The following CCNH variants were observed in gnomAD, a reference collection of about 807,000 sequenced individuals.
The protein encoded by CCNH is cyclin H.
In CCNH, 31 loss-of-function variants were observed where a neutral mutation model predicts 41.9. The observed-to-expected ratio is 0.74, with a 90% CI of 0.56 to 1.00. CCNH has a LOEUF of 1.00. CCNH is among the 50% of genes least tolerant of loss of function. The pLI, the probability that CCNH is intolerant of heterozygous loss-of-function variation, is 0.00. For missense variants in CCNH, 362 were observed against 388.4 expected (o/e 0.93, Z 0.57); for synonymous variants, 138 against 136.1 (o/e 1.01, Z -0.10).
chr5:87,385,525 T>A lies in CCNH; in HGVS notation c.*90+7245A>T, dbSNP rs886934959. On this transcript the variant is annotated intron_variant and NMD_transcript_variant, in intron 9 of 9. Coordinates refer to the CCNH transcript ENST00000645953. Reference sequence around the variant, plus strand: ...AAGATTATTTTTGTTGGTATGTTTGTTTTTAAAGTAGCTTGTTTAAATTTT... The same window carrying A: ...AAGATTATTTTTGTTGGTATGTTTGATTTTAAAGTAGCTTGTTTAAATTTT... 8.5e-6 allele frequency: 6 copies of A among 704,620 alleles called. No homozygotes were observed. In the East Asian group the frequency reaches 1.6e-4, roughly 19 times the overall value. 43.6% of individuals were successfully genotyped at this position (704,620 alleles called of 1,614,324 possible).
chr5:87,398,412 T>A (rs1195873899), intron 7 of CCNH, among the ~76,000 whole-genome samples: 2 of 152,052 alleles, frequency 1.3e-5, no homozygotes, highest in Non-Finnish European at 2.9e-5. Context: ...CACAGATAAC[T>A]CCCATTAAAT....
intron 2 of CCNH, 131 bp downstream of exon 2, chr5:87,411,093 A>T: frequency 1.2e-6 from 1 of 864,872 alleles, no homozygotes; most frequent in Non-Finnish European, 1.7e-6. Context: ...TGAAAAATAT[A>T]TAATGTGCCA....
Position 87,401,332 on chromosome 5 carries a change from A to T in CCNH, c.760+370T>A, listed in dbSNP as rs147250769. On this transcript the variant is annotated intron_variant, in intron 6 of 8. Transcript: ENST00000256897. ...CCTTCTACCTTTCTCTTAAAAAAAT[A>T]ATTTATCTACAAAATAGAAGTTCCA... Among the ~76,000 whole-genome samples, 468 of 152,324 alleles carry T rather than the reference A, an allele frequency of 3.1e-3. 3 individuals carry two copies. The highest frequency in any genetic ancestry group is 0.011 in the African/African-American group (452 of 41,572).
At chr5:87,354,315 C>T (rs1168340239) in intron 9 of CCNH, among the ~76,000 whole-genome samples, 1 of 152,020 alleles carries the variant, frequency 6.6e-6, no homozygotes, top group Non-Finnish European at 1.5e-5. Flanking sequence ...ACGTCTATTG[C>T]GACTGTTTTT....
the CCNH span, among the ~76,000 whole-genome samples, chr5:87,312,081 A>G: frequency 6.6e-6 from 1 of 152,222 alleles, no homozygotes; most frequent in Admixed American, 6.5e-5. Flanking sequence ...GTGAAGCAGT[A>G]TTTTTCAGAT....
chr5:87,399,063 C>T (rs1763189242), intron 7 of CCNH, among the ~76,000 whole-genome samples: 1 of 151,432 alleles, frequency 6.6e-6, no homozygotes, highest in Non-Finnish European at 1.5e-5. Context: ...GACCAGATAT[C>T]ACAACTTCAA....
At chr5:87,404,651 AT>A (rs2112568891) in intron 5 of CCNH, among the ~76,000 whole-genome samples, 192 bp downstream of exon 5, 2 of 152,312 alleles carry the variant, frequency 1.3e-5, no homozygotes, top group Non-Finnish European at 2.9e-5. Context: ...TTCTACTTTA[AT>A]CCTAAATGTA....
chr5:87,341,179 A>G, intron 9 of CCNH: 4 of 555,814 alleles, frequency 7.2e-6, no homozygotes, highest in Non-Finnish European at 1.1e-5. Flanking sequence ...TTATATAAAC[A>G]TAAATAAGGA....
upstream of CCNH, chr5:87,378,391 T>C (rs1761467081): frequency 6.2e-7 from 1 of 1,612,816 alleles, no homozygotes; most frequent in Non-Finnish European, 8.5e-7. Flanking sequence ...TAAATATTTG[T>C]GTAGATGAAG....
chr5:87,404,790 GAATA>G (rs1763662673), intron 5 of CCNH, 50 bp downstream of exon 5: 2 of 1,335,236 alleles, frequency 1.5e-6, no homozygotes, highest in Admixed American at 2.3e-5. Context: ...ATGATTCTAT[GAATA>G]AATAAACCCA....
At chr5:87,384,828 AGAGGTCCT>A (rs1761956675) in intron 9 of CCNH, among the ~76,000 whole-genome samples, 1 of 152,134 alleles carries the variant, frequency 6.6e-6, no homozygotes, top group Non-Finnish European at 1.5e-5. Flanking sequence ...AAAATAAAGC[AGAGGTCCT>A]AGACTTTATC....
At chr5:87,369,630 A>G (rs1302138957) in intron 9 of CCNH, among the ~76,000 whole-genome samples, 1 of 152,066 alleles carries the variant, frequency 6.6e-6, no homozygotes, top group South Asian at 2.1e-4. Context: ...TAGTGCTGAC[A>G]TAAAGTTTTC....
At chr5:87,395,596 G>C (rs1441103174) in intron 7 of CCNH, among the ~76,000 whole-genome samples, 1 of 152,196 alleles carries the variant, frequency 6.6e-6, no homozygotes, top group Non-Finnish European at 1.5e-5. Context: ...GGACCTGCTG[G>C]GCACAGGGGC....
chr5:87,313,241 T>A, the CCNH span, among the ~76,000 whole-genome samples: 1 of 152,178 alleles, frequency 6.6e-6, no homozygotes, highest in Admixed American at 6.5e-5. Context: ...TGGGCACAGG[T>A]GGTCTTTAGC....
intron 9 of CCNH, among the ~76,000 whole-genome samples, chr5:87,325,017 A>G (rs1470340912): frequency 6.6e-6 from 1 of 152,092 alleles, no homozygotes; most frequent in African/African-American, 2.4e-5. Flanking sequence ...ACAAAGACAA[A>G]CCCGAGATGG....
At chr5:87,330,826 G>A (rs1254490600) in intron 9 of CCNH, 1 of 558,700 alleles carries the variant, frequency 1.8e-6, no homozygotes, top group African/African-American at 2.0e-5. Context: ...GGATTAATCA[G>A]CTTCACGTTC....
intron 7 of CCNH, among the ~76,000 whole-genome samples, chr5:87,398,285 A>G (rs1026822962): frequency 2.2e-4 from 33 of 152,204 alleles, no homozygotes; most frequent in African/African-American, 8.0e-4. Flanking sequence ...AATTTGAGTC[A>G]TGTGTATTTG....
chr5:87,383,357 A>AT (rs1444699292), intron 9 of CCNH, among the ~76,000 whole-genome samples: 2 of 152,148 alleles, frequency 1.3e-5, no homozygotes, highest in African/African-American at 4.8e-5. Flanking sequence ...AATTCTTAAG[A>AT]TTCCTGAGGA....
rs1005653793 is a variant in CCNH at position 87,394,478 on chromosome 5, A to G, written c.940T>C (p.Trp314Arg). 1.2e-6 allele frequency: 2 copies of G among 1,613,610 alleles called. No individual in the cohort carries two copies. Among genetic ancestry groups the G allele is most frequent in the East Asian group, 2.2e-5 (1 of 44,790 alleles). ...SKKSKHEEEE[W>R]TDDDLVESL ...GATTCTACCAGGTCGTCATCAGTCC[A>G]TTCTTCCTAAGAAGGAAAAAAAGTG... is the stretch of plus-strand genomic sequence containing the variant. Residue 314 changes from tryptophan to arginine, a missense_variant, in exon 9 of 9, where the codon TGG becomes CGG. Trp to Arg is a moderately radical substitution (Grantham distance 101, BLOSUM62 -3). Transcript: ENST00000256897.
Sources: gnomAD v4.1 joint callset for allele counts (sites outside exome capture counted in the v4.1 genomes callset) on GRCh38, gnomAD v4.1.1 for gene constraint, MANE v1.5 for transcripts, NCBI Gene and HGNC (gene_info 2026-07-23, HGNC 2026-07-21) for gene names.